Variants in SETD3 observed in about 807,000 individuals in gnomAD.
The protein encoded by SETD3 is SET domain containing 3, actin N3(tau)-histidine methyltransferase.
In SETD3, 19 loss-of-function variants were observed where a neutral mutation model predicts 63.0. The ratio of observed to expected loss-of-function variants is 0.30; its 90% CI spans 0.21 to 0.44. The LOEUF (loss-of-function observed/expected upper bound fraction) is 0.44, where lower values mean the gene tolerates loss of function less well. Ranked by LOEUF, SETD3 falls within the 20% of genes least tolerant of loss-of-function variation. The probability of loss-of-function intolerance (pLI) is 1.00; values close to 1 mark genes in which losing one functional copy is unlikely to be tolerated. For missense variants in SETD3, 587 were observed against 728.5 expected, an observed-to-expected ratio of 0.81 and a Z score of 2.24; for synonymous variants, 286 against 264.1, an observed-to-expected ratio of 1.08 and a Z score of -0.80.
In SETD3 at chr14:99,400,169, T is replaced by A; in HGVS notation, c.1268A>T (p.Glu423Val). The A allele has an allele frequency of 6.2e-7, 1 of 1,614,220 alleles. No individual in the cohort carries two copies. Among genetic ancestry groups the A allele is most frequent in the Non-Finnish European group, 8.5e-7 (1 of 1,180,036 alleles). Residue 423 changes from glutamate (E) to valine (V), a missense_variant, in exon 12 of 13, where the codon GAG becomes GTG. Physicochemically the swap from Glu to Val is moderately radical, Grantham distance 121. Transcript: ENST00000331768. ...NSEFPVSWDN[E>V]VKLWTFLEDR... The stretch of plus-strand genomic sequence containing the variant: ...TTCAAGAAATGTCCAAAGTTTGACC[T>A]CGTTGTCCCAGCTAACAGGAAATTC...
At chr14:99,421,595 C>A (rs1386941267) in intron 6 of SETD3, among the ~76,000 whole-genome samples, 1 of 152,090 alleles carries the variant, frequency 6.6e-6, no homozygotes, top group East Asian at 1.9e-4. Flanking sequence ...TCTGTCATCT[C>A]CATGAGAAAC....
intron 8 of SETD3, chr14:99,411,625 C>T (rs1301249854): frequency 6.6e-6 from 1 of 151,876 alleles, no homozygotes; most frequent in African/African-American, 2.4e-5. Context: ...CAAATGATCT[C>T]ATTCAAAAAA....
intron 6 of SETD3, among the ~76,000 whole-genome samples, chr14:99,444,101 T>C (rs554418968): frequency 6.6e-6 from 1 of 152,290 alleles, no homozygotes; most frequent in African/African-American, 2.4e-5. Flanking sequence ...GTCACAAGCT[T>C]GAAATCTGAG....
In SETD3 at chr14:99,465,033, G is replaced by C. The variant is rs372474786; in HGVS notation, c.103+670C>G. ...GGCCTGTAGTCCCAGCTACTCAGGA[G>C]AATGAAGTGGGAAGATCACTTGAGC... On this transcript the variant is annotated intron_variant, in intron 2 of 12. Transcript: ENST00000331768. Among the ~76,000 whole-genome samples, 4 of 152,206 alleles carry C rather than the reference G, an allele frequency of 2.6e-5. No individual in the cohort carries two copies. The East Asian group carries it at 5.8e-4, about 22-fold the overall frequency.
At chr14:99,441,421 G>A (rs1893804666) in intron 6 of SETD3, among the ~76,000 whole-genome samples, 1 of 152,240 alleles carries the variant, frequency 6.6e-6, no homozygotes, top group Admixed American at 6.5e-5. Flanking sequence ...CCAGGCGGCA[G>A]TGCCACAGTG....
chr14:99,435,741 CACCT>C (rs1216676556), intron 6 of SETD3, among the ~76,000 whole-genome samples: 5 of 120,458 alleles, frequency 4.2e-5, no homozygotes, highest in African/African-American at 3.7e-5. Flanking sequence ...CCCACCCCCC[CACCT>C]TTTTTTTTTT....
At chr14:99,409,625 C>A (rs554503454) in intron 8 of SETD3, among the ~76,000 whole-genome samples, 1 of 151,980 alleles carries the variant, frequency 6.6e-6, no homozygotes, top group African/African-American at 2.4e-5. Flanking sequence ...CATACACACA[C>A]ATCCCTAAGA....
chr14:99,459,441 A>C (rs1894947584), intron 4 of SETD3, among the ~76,000 whole-genome samples: 2 of 152,252 alleles, frequency 1.3e-5, no homozygotes, highest in Non-Finnish European at 2.9e-5. Flanking sequence ...TAATCAAAAA[A>C]GGGACTTTCA....
chr14:99,468,207 C>CATGGGAT lies in SETD3; in HGVS notation c.-8-2401_-8-2395dup, dbSNP rs1307579765. 1.1e-4 allele frequency among the ~76,000 whole-genome samples: 17 copies of CATGGGAT among 150,732 alleles called. No homozygotes were observed. In the South Asian group the frequency reaches 1.3e-3, roughly 11 times the overall value. ...GCAGCAGGTCTTCCAGATCAAATAC[C>CATGGGAT]ATGGGATATGGCCCCACACCCCGCC... is the stretch of plus-strand genomic sequence containing the variant. On this transcript the variant is annotated intron_variant, in intron 1 of 12. Transcript: ENST00000331768.
At chr14:99,448,460 G>A (rs1894263625) in intron 6 of SETD3, among the ~76,000 whole-genome samples, 1 of 152,200 alleles carries the variant, frequency 6.6e-6, no homozygotes, top group Non-Finnish European at 1.5e-5. Flanking sequence ...GGCACACTGT[G>A]AAGAATGCTG....
At chr14:99,462,156 G>C (rs1296502017) in intron 3 of SETD3, among the ~76,000 whole-genome samples, 1 of 152,194 alleles carries the variant, frequency 6.6e-6, no homozygotes, top group Non-Finnish European at 1.5e-5. Flanking sequence ...AAGGAAAGCT[G>C]ATCAGTGGGT....
chr14:99,478,420 C>CTT lies in SETD3; in HGVS notation c.-9+2307_-9+2308insAA, dbSNP rs575648950. Among the ~76,000 whole-genome samples the CTT allele has an allele frequency of 5.8e-3, 888 of 152,260 alleles. 8 individuals are homozygous for CTT. Among genetic ancestry groups the CTT allele is most frequent in the African/African-American group, 0.02 (840 of 41,534 alleles). ...AAACCAGTCTCTAAAGATAAATAAC[C>CTT]TCTCAGAGAAGGATATTCATCCAAC... On this transcript the variant is annotated intron_variant, in intron 1 of 12. Coordinates refer to ENST00000331768, the MANE Select transcript of SETD3 (RefSeq NM_032233.3).
chr14:99,459,089 T>G, intron 5 of SETD3, 24 bp downstream of exon 5: 2 of 1,582,814 alleles, frequency 1.3e-6, no homozygotes, highest in Non-Finnish European at 1.7e-6. Flanking sequence ...TGCTTTGCCT[T>G]GAAGAGTCAG....
chr14:99,398,544 C>A lies in SETD3; in HGVS notation c.*135G>T. 1.0e-5 allele frequency: 9 copies of A among 863,328 alleles called. No individual in the cohort carries two copies. Among genetic ancestry groups the A allele is most frequent in the South Asian group, 2.1e-5 (1 of 47,394 alleles). 53.5% of individuals were successfully genotyped at this position (863,328 alleles called of 1,614,324 possible). On this transcript the variant is annotated 3_prime_UTR_variant, in exon 13 of 13. Coordinates refer to ENST00000331768, the MANE Select transcript of SETD3 (RefSeq NM_032233.3). Reference sequence around the variant, plus strand: ...GATTTTTAAAATAACTTAAAAAAACCATTTTTATATAAAGCAGCAAAAACA... The same window carrying A: ...GATTTTTAAAATAACTTAAAAAAACAATTTTTATATAAAGCAGCAAAAACA...
intron 8 of SETD3, among the ~76,000 whole-genome samples, chr14:99,411,025 T>C (rs1054391738): frequency 1.3e-5 from 2 of 152,216 alleles, no homozygotes; most frequent in East Asian, 3.8e-4. Flanking sequence ...AACTGTAATA[T>C]ATATCATAAA....
chr14:99,469,049 C>A (rs186434417), intron 1 of SETD3, among the ~76,000 whole-genome samples: 70 of 152,304 alleles, frequency 4.6e-4, no homozygotes, highest in African/African-American at 1.6e-3. Context: ...TCCTGCTCCG[C>A]GTGACAGACC....
At chr14:99,465,869 A>G (rs190684504) in intron 1 of SETD3, 56 bp from the exon 2 acceptor site, 102 of 1,201,246 alleles carry the variant, frequency 8.5e-5, no homozygotes, top group Middle Eastern at 4.1e-4. Context: ...AACAAAATCA[A>G]GTAATAAAAC....
intron 6 of SETD3, among the ~76,000 whole-genome samples, chr14:99,442,044 C>T (rs571258609): frequency 2.0e-5 from 3 of 152,132 alleles, no homozygotes; most frequent in Non-Finnish European, 4.4e-5. Context: ...ACCTCTGGTG[C>T]GCAGACGCCC....
chr14:99,412,119 A>G (rs1892026005), intron 8 of SETD3: 1 of 152,294 alleles, frequency 6.6e-6, no homozygotes, highest in African/African-American at 2.4e-5. Context: ...ATACTAGTAT[A>G]AAGTATGATA....
Sources: gnomAD v4.1 joint callset for allele counts (sites outside exome capture counted in the v4.1 genomes callset) on GRCh38, gnomAD v4.1.1 for gene constraint, MANE v1.5 for transcripts, NCBI Gene and HGNC (gene_info 2026-07-23, HGNC 2026-07-21) for gene names.